Variants in PIGN observed in about 807,000 individuals in gnomAD.
PIGN encodes the protein GPI ethanolamine phosphate transferase 1.
In PIGN, 117 loss-of-function variants were observed where a neutral mutation model predicts 125.4. The ratio of observed to expected loss-of-function variants is 0.93; its 90% confidence interval spans 0.80 to 1.09. The LOEUF (loss-of-function observed/expected upper bound fraction) is 1.09. Among genes scored for constraint, PIGN ranks in the 50% least tolerant of loss-of-function variants. The pLI is 0.00. For synonymous variants in PIGN, 392 were observed against 377.8 expected, an observed-to-expected ratio of 1.04 and a Z score of -0.44; for missense variants, 1,075 against 1,094.9, an observed-to-expected ratio of 0.98 and a Z score of 0.26.
At chr18:62,098,923 A>C (rs2034323523) in intron 22 of PIGN, among the ~76,000 whole-genome samples, 1 of 152,098 alleles carries the variant, frequency 6.6e-6, no homozygotes, top group Non-Finnish European at 1.5e-5. Flanking sequence ...CATATAGGAT[A>C]CTCCAAATAG....
chr18:62,060,243 G>A (rs759653671), intron 30 of PIGN, among the ~76,000 whole-genome samples: 1 of 152,158 alleles, frequency 6.6e-6, no homozygotes, highest in Non-Finnish European at 1.5e-5. Flanking sequence ...TCAGCTGTTC[G>A]CACTCCCCTC....
At chr18:62,125,561 A>C (rs963195929) in intron 14 of PIGN, among the ~76,000 whole-genome samples, 4 of 152,040 alleles carry the variant, frequency 2.6e-5, no homozygotes, top group Non-Finnish European at 5.9e-5. Context: ...CTGCTTGGTT[A>C]AAGATTTTAA....
At chr18:62,062,412 G>A (rs577655958) in intron 30 of PIGN, among the ~76,000 whole-genome samples, 36 of 152,302 alleles carry the variant, frequency 2.4e-4, no homozygotes, top group African/African-American at 7.7e-4. Context: ...CAAGCATCCC[G>A]TTTAACCTAT....
Position 62,105,616 on chromosome 18 carries a change from TC to T in PIGN, c.1785del (p.Trp595Ter). ...ACTGCCAGGAGCAAAGAGAAGAAAG[TC>T]CAACTCAGTGAGGTCATCTAAAATC... is the stretch of plus-strand genomic sequence containing the variant. ...WTRAKMTSLS[W>X]TFFSLLLAVF... On this transcript the variant is annotated frameshift_variant, in exon 20 of 31. Coordinates refer to ENST00000640252, the MANE Select transcript of PIGN (RefSeq NM_176787.5). LOFTEE classifies it high-confidence loss of function. 1 of 1,550,022 alleles carries T rather than the reference TC, an allele frequency of 6.5e-7. No individual in the cohort carries two copies. The highest frequency in any genetic ancestry group is 8.7e-7 in the Non-Finnish European group (1 of 1,146,232).
At chr18:62,169,689 C>T (rs950791600) in intron 1 of PIGN, among the ~76,000 whole-genome samples, 1 of 151,802 alleles carries the variant, frequency 6.6e-6, no homozygotes, top group Non-Finnish European at 1.5e-5. Context: ...CGTACGATCA[C>T]GGCTTACTGC....
chr18:62,077,810 T>C (rs977851128), intron 28 of PIGN, among the ~76,000 whole-genome samples: 1 of 152,228 alleles, frequency 6.6e-6, no homozygotes, highest in Non-Finnish European at 1.5e-5. Flanking sequence ...GTCCCACAGA[T>C]TGAGTGGCTT....
intron 14 of PIGN, among the ~76,000 whole-genome samples, chr18:62,117,697 T>C (rs752465964): frequency 2.0e-5 from 3 of 152,142 alleles, no homozygotes; most frequent in Non-Finnish European, 2.9e-5. Context: ...AAGAAGGATA[T>C]ACATATATCA....
intron 30 of PIGN, among the ~76,000 whole-genome samples, chr18:62,050,736 T>A (rs1004861605): frequency 6.6e-6 from 1 of 152,144 alleles, no homozygotes; most frequent in Non-Finnish European, 1.5e-5. Flanking sequence ...TCCAACACTA[T>A]GTTGAATAGG....
At chr18:62,095,219 A>C (rs1215825607) in intron 23 of PIGN, among the ~76,000 whole-genome samples, 1 of 152,222 alleles carries the variant, frequency 6.6e-6, no homozygotes, top group Non-Finnish European at 1.5e-5. Context: ...TAAAGATTTA[A>C]GTAAGGACAA....
intron 17 of PIGN, chr18:62,107,357 G>A: frequency 2.9e-6 from 1 of 340,754 alleles, no homozygotes; most frequent in Non-Finnish European, 5.5e-6. Context: ...CACTTTGGGA[G>A]GCTGAAGAGG....
At chr18:62,106,720 C>T (rs980795385) in intron 19 of PIGN, 69 bp downstream of exon 19, 2 of 962,674 alleles carry the variant, frequency 2.1e-6, no homozygotes, top group East Asian at 2.6e-5. Context: ...ATAAACAGTT[C>T]CTTGAGTTAC....
Position 62,043,365 on chromosome 18 carries a change from T to C in PIGN, c.*2491A>G, listed in dbSNP as rs2030453730. The C allele has an allele frequency of 1.3e-5, 2 of 152,138 alleles. No homozygotes were observed. The highest frequency in any genetic ancestry group is 4.1e-4 in the South Asian group (2 of 4,832). The allele number at this position is 152,138 out of a possible 1,614,324, so 9.4% of individuals were successfully genotyped here. A position where few individuals can be genotyped will look rare whatever the true frequency, so the allele number is the denominator to read the frequency against. ...TCATGTTTTTAATGGCACAGTTATA[T>C]GTCAAAAAGGAGGAGAAAAGGAGCC... On this transcript the variant is annotated 3_prime_UTR_variant, in exon 31 of 31. Coordinates refer to ENST00000640252, the MANE Select transcript of PIGN (RefSeq NM_176787.5).
chr18:62,115,460 C>T (rs755762024), intron 14 of PIGN, among the ~76,000 whole-genome samples: 10 of 152,172 alleles, frequency 6.6e-5, no homozygotes, highest in Non-Finnish European at 1.3e-4. Flanking sequence ...AAAATGCATG[C>T]AAAGTTATTT....
At chr18:62,091,324 T>G (rs55887412) in intron 23 of PIGN, among the ~76,000 whole-genome samples, 25,957 of 152,084 alleles carry the variant, frequency 0.17, 2,941 homozygotes, top group Middle Eastern at 0.29. Context: ...CCACCCAGGT[T>G]ACAGTGTGAG....
At chr18:62,140,375 G>GTTT in intron 12 of PIGN, 45 bp downstream of exon 12, 12 of 854,016 alleles carry the variant, frequency 1.4e-5, no homozygotes, top group South Asian at 3.5e-5. Context: ...CTGTGCGATA[G>GTTT]TTTTTTTTTA....
intron 14 of PIGN, among the ~76,000 whole-genome samples, chr18:62,128,505 C>A (rs76175945): frequency 0.024 from 3,688 of 151,996 alleles, 54 homozygotes; most frequent in Middle Eastern, 0.085. Flanking sequence ...CATAAGAGAT[C>A]AGGGGGAAAA....
At chr18:62,110,836 A>G (rs1198594364) in intron 16 of PIGN, among the ~76,000 whole-genome samples, 1 of 148,376 alleles carries the variant, frequency 6.7e-6, no homozygotes, top group Non-Finnish European at 1.5e-5. Flanking sequence ...AACTTAAAGC[A>G]TAATAAAAAA....
intron 30 of PIGN, chr18:62,070,161 TAGAG>T (rs2032760858): frequency 2.7e-6 from 1 of 369,442 alleles, no homozygotes; most frequent in South Asian, 1.5e-4. Context: ...ACGGGGGGCT[TAGAG>T]AGATTAAGTC....
intron 30 of PIGN, chr18:62,052,521 C>T (rs1459189293): frequency 2.1e-5 from 3 of 140,944 alleles, no homozygotes; most frequent in African/African-American, 8.0e-5. Flanking sequence ...ACTAGGATTG[C>T]AACCCCTGCC....
Sources: gnomAD v4.1 joint callset for allele counts (sites outside exome capture counted in the v4.1 genomes callset) on GRCh38, gnomAD v4.1.1 for gene constraint, MANE v1.5 for transcripts, NCBI Gene and HGNC (gene_info 2026-07-23, HGNC 2026-07-21) for gene names.